The following CLASP2 variants were observed in gnomAD, a reference collection of about 807,000 sequenced individuals.
CLASP2 encodes cytoplasmic linker associated protein 2.
CLASP2 carries 47 observed loss-of-function variants against 194.4 expected under a neutral mutation model. The observed-to-expected ratio is 0.24, with a 90% confidence interval of 0.19 to 0.31. CLASP2 has a LOEUF of 0.31. Among genes scored for constraint, CLASP2 ranks in the 10% least tolerant of loss-of-function variants. CLASP2 has a pLI of 1.00. For synonymous variants in CLASP2, 619 were observed against 633.5 expected (o/e 0.98, Z 0.34); for missense variants, 1,445 against 1,823.6 (o/e 0.79, Z 3.78).
intron 2 of CLASP2, among the ~76,000 whole-genome samples, chr3:33,692,474 A>G (rs1183998981): frequency 4.6e-5 from 7 of 152,328 alleles, no homozygotes; most frequent in African/African-American, 1.7e-4. Context: ...TAATTTAAAC[A>G]AGAAATTCAT....
intron 28 of CLASP2, among the ~76,000 whole-genome samples, chr3:33,559,967 G>T (rs2061550266): frequency 6.6e-6 from 1 of 152,038 alleles, no homozygotes; most frequent in Non-Finnish European, 1.5e-5. Context: ...TCAGAAAAAT[G>T]TATTCAGTAA....
intron 32 of CLASP2, 102 bp downstream of exon 32, chr3:33,543,331 C>T (rs763305853): frequency 3.9e-6 from 3 of 763,156 alleles, no homozygotes; most frequent in South Asian, 3.3e-5. Flanking sequence ...TGAGATCACA[C>T]CACCACACTC....
At chr3:33,630,915 AC>A (rs990671633) in intron 9 of CLASP2, among the ~76,000 whole-genome samples, 5 of 152,234 alleles carry the variant, frequency 3.3e-5, no homozygotes, top group African/African-American at 1.2e-4. Context: ...AGCCTGTAAA[AC>A]ACAAAAGGAG....
intron 24 of CLASP2, among the ~76,000 whole-genome samples, chr3:33,575,933 A>G (rs2064783982): frequency 6.6e-6 from 1 of 152,216 alleles, no homozygotes; most frequent in South Asian, 2.1e-4. Flanking sequence ...ACCATATTAA[A>G]GACATCTATA....
rs138939664 is a variant in CLASP2 at position 33,587,326 on chromosome 3, C to T, written c.2069-2406G>A. On this transcript the variant is annotated intron_variant, in intron 21 of 38. Transcript: ENST00000682230. ...ATTTTTAGTAGAGACAGGGTTTCAT[C>T]GTGTTAGCCAGATGGTCTCGATCTC... Among the ~76,000 whole-genome samples, 677 of 152,150 alleles carry T rather than the reference C, an allele frequency of 4.4e-3. 6 individuals are homozygous for T. Among genetic ancestry groups the T allele is most frequent in the African/African-American group, 0.015 (643 of 41,516 alleles).
chr3:33,572,022 A>G (rs1033513463), intron 25 of CLASP2, among the ~76,000 whole-genome samples: 1 of 152,232 alleles, frequency 6.6e-6, no homozygotes. Context: ...TGGCATTCCC[A>G]ATACATGAAT....
At chr3:33,586,140 T>C (rs1205257182) in intron 21 of CLASP2, among the ~76,000 whole-genome samples, 1 of 151,990 alleles carries the variant, frequency 6.6e-6, no homozygotes, top group South Asian at 2.1e-4. Context: ...CTTTCTTTTC[T>C]TTTTTCCCCC....
rs143016790 is a variant in CLASP2, at chr3:33,644,556, T to C, written c.862+201A>G. 4.8e-6 allele frequency: 3 copies of C among 627,206 alleles called. No homozygotes were observed. In the African/African-American group the frequency reaches 5.5e-5, roughly 12 times the overall value. 38.9% of individuals were successfully genotyped at this position (627,206 alleles called of 1,614,324 possible). On this transcript the variant is annotated intron_variant, in intron 8 of 38. Transcript: ENST00000682230. Reference sequence around the variant, plus strand: ...ACCCTCAAGAAGAGACTAATTCACATACATTCTTAGAGGAAATAGCAGTAT... The same window carrying C: ...ACCCTCAAGAAGAGACTAATTCACACACATTCTTAGAGGAAATAGCAGTAT...
At chr3:33,669,406 T>C (rs775235794) in intron 6 of CLASP2, among the ~76,000 whole-genome samples, 11 of 151,646 alleles carry the variant, frequency 7.3e-5, no homozygotes, top group Middle Eastern at 3.4e-3. Flanking sequence ...ATAAAGAAAA[T>C]GACTAAGAAC....
At chr3:33,619,546 A>C in intron 12 of CLASP2, 57 bp downstream of exon 12, 2 of 1,432,204 alleles carry the variant, frequency 1.4e-6, no homozygotes, top group Non-Finnish European at 9.3e-7. Flanking sequence ...AGGGGGAGGA[A>C]GAAGAAACAA....
intron 6 of CLASP2, among the ~76,000 whole-genome samples, chr3:33,675,096 C>A (rs886907839): frequency 6.6e-6 from 1 of 152,178 alleles, no homozygotes; most frequent in Non-Finnish European, 1.5e-5. Context: ...ATGAGGCCAG[C>A]ATCATCCTGA....
chr3:33,592,085 G>C (rs1287552820), intron 21 of CLASP2: 2 of 629,822 alleles, frequency 3.2e-6, no homozygotes, highest in African/African-American at 3.7e-5. Context: ...TATGGCAAAT[G>C]AAGTTTTTCT....
intron 18 of CLASP2, among the ~76,000 whole-genome samples, chr3:33,601,181 C>T (rs954028774): frequency 3.9e-4 from 59 of 151,982 alleles, no homozygotes; most frequent in Non-Finnish European, 4.6e-4. Flanking sequence ...AGGATGGTCT[C>T]GATCTCCTGA....
chr3:33,717,692 G>T, intron 1 of CLASP2, 116 bp downstream of exon 1: 1 of 1,137,432 alleles, frequency 8.8e-7, no homozygotes, highest in Non-Finnish European at 1.2e-6. Flanking sequence ...CCCAAAGTGT[G>T]TTTCCCCTCT....
chr3:33,707,213 C>T (rs1404659685), intron 1 of CLASP2, among the ~76,000 whole-genome samples: 1 of 152,058 alleles, frequency 6.6e-6, no homozygotes, highest in African/African-American at 2.4e-5. Flanking sequence ...AGGGTCATGT[C>T]AAGATAGGAC....
At chr3:33,635,577 T>C (rs986592062) in intron 8 of CLASP2, among the ~76,000 whole-genome samples, 1 of 151,950 alleles carries the variant, frequency 6.6e-6, no homozygotes, top group African/African-American at 2.4e-5. Context: ...ATAAATAAAA[T>C]GGAAAGTTCA....
At chr3:33,520,337 A>G (rs1319468231) in intron 34 of CLASP2, among the ~76,000 whole-genome samples, 1 of 152,222 alleles carries the variant, frequency 6.6e-6, no homozygotes, top group Admixed American at 6.5e-5. Flanking sequence ...AGAAGCTGGT[A>G]AAAGTAATCA....
intron 6 of CLASP2, among the ~76,000 whole-genome samples, chr3:33,671,616 G>A (rs998622660): frequency 8.5e-5 from 13 of 152,298 alleles, no homozygotes; most frequent in African/African-American, 2.9e-4. Flanking sequence ...AGCGCACCGT[G>A]CACGAGCCAA....
intron 34 of CLASP2, among the ~76,000 whole-genome samples, chr3:33,529,984 CAAAAAAAAAAAA>C (rs1169927619): frequency 7.1e-4 from 23 of 32,244 alleles, no homozygotes; most frequent in Non-Finnish European, 8.2e-4. Context: ...GACTCCGTCT[CAAAAAAAAAAAA>C]AAAAAAAAAA....
Sources: allele counts gnomAD v4.1 joint callset (sites outside exome capture counted in the v4.1 genomes callset), GRCh38; gene constraint gnomAD v4.1.1; transcripts MANE v1.5; gene names NCBI Gene and HGNC (gene_info 2026-07-23, HGNC 2026-07-21).